Variants in ABI3BP observed in about 807,000 individuals in gnomAD.
ABI3BP encodes ABI family member 3 binding protein.
Under a neutral mutation model 268.6 loss-of-function variants are expected in ABI3BP, and 216 were observed. That is an observed-to-expected ratio of 0.80 (90% CI 0.72 to 0.90). The LOEUF is 0.90. Among genes scored for constraint, ABI3BP ranks in the 40% least tolerant of loss-of-function variants. The pLI is 0.00. For missense variants in ABI3BP, 2,090 were observed against 2,182.4 expected (o/e 0.96, Z 0.84); for synonymous variants, 730 against 730.0 (o/e 1.00, Z 0.00).
At chr3:100,869,335 T>G (rs2099087332) in intron 9 of ABI3BP, among the ~76,000 whole-genome samples, 2 of 19,084 alleles carry the variant, frequency 1.0e-4, no homozygotes, top group Non-Finnish European at 2.9e-4. Context: ...TTTTGGTTTT[T>G]TTTTTTTTTT....
chr3:100,791,082 C>A (rs1466787588), intron 55 of ABI3BP, among the ~76,000 whole-genome samples: 1 of 151,710 alleles, frequency 6.6e-6, no homozygotes, highest in Non-Finnish European at 1.5e-5. Context: ...TTGAGGGTTT[C>A]AATTTTAAAC....
intron 51 of ABI3BP, among the ~76,000 whole-genome samples, chr3:100,802,165 T>A (rs917326241): frequency 3.3e-5 from 5 of 152,158 alleles, no homozygotes; most frequent in African/African-American, 1.2e-4. Context: ...ACTGAAAACA[T>A]AAAACTAACT....
intron 1 of ABI3BP, among the ~76,000 whole-genome samples, chr3:100,988,354 T>A (rs1054138432): frequency 7.2e-5 from 11 of 151,930 alleles, no homozygotes; most frequent in Admixed American, 5.9e-4. Context: ...TCATGAGGAG[T>A]CAGGCCAGAT....
chr3:100,751,204 TAAAA>T (rs1286585124), intron 67 of ABI3BP, among the ~76,000 whole-genome samples: 1 of 152,160 alleles, frequency 6.6e-6, no homozygotes, highest in East Asian at 1.9e-4. Context: ...TAGCAGTAGT[TAAAA>T]AATTTTTTTT....
intron 6 of ABI3BP, among the ~76,000 whole-genome samples, chr3:100,882,906 G>A (rs76716406): frequency 0.023 from 3,470 of 152,186 alleles, 66 homozygotes; most frequent in Non-Finnish European, 0.041. Flanking sequence ...TGCTTCCTAG[G>A]CAACCATTCA....
At chr3:100,868,897 GT>G (rs771865075) in intron 9 of ABI3BP, among the ~76,000 whole-genome samples, 24 of 151,214 alleles carry the variant, frequency 1.6e-4, no homozygotes, top group Admixed American at 6.6e-4. Context: ...CATTCTGATT[GT>G]CAACACAGAA....
At chr3:100,782,291 A>G (rs962083976) in intron 57 of ABI3BP, among the ~76,000 whole-genome samples, 3 of 152,172 alleles carry the variant, frequency 2.0e-5, no homozygotes, top group Non-Finnish European at 4.4e-5. Context: ...AGAGAATCCA[A>G]ATTTTGCAGA....
intron 57 of ABI3BP, among the ~76,000 whole-genome samples, chr3:100,784,731 G>A (rs1044751254): frequency 6.6e-6 from 1 of 152,128 alleles, no homozygotes; most frequent in Admixed American, 6.6e-5. Context: ...GTCTTTTGCA[G>A]CAATTTGGAT....
intron 54 of ABI3BP, among the ~76,000 whole-genome samples, 193 bp from the exon 55 acceptor site, chr3:100,792,961 A>G (rs1452037600): frequency 6.6e-6 from 1 of 151,964 alleles, no homozygotes; most frequent in Non-Finnish European, 1.5e-5. Flanking sequence ...CTGCTGTTTT[A>G]CACTATTATT....
intron 11 of ABI3BP, 96 bp from the exon 12 acceptor site, chr3:100,864,172 C>G (rs2099026914): frequency 2.5e-6 from 2 of 797,044 alleles, no homozygotes; most frequent in Admixed American, 2.0e-5. Context: ...GTAACAGACT[C>G]TTGCACACAG....
Position 100,875,543 on chromosome 3 carries a change from G to C in ABI3BP, c.782C>G (p.Ser261Cys). ...QNVTHKDSAK[S>C]PEKAPLGGVI... Reference sequence around the variant, plus strand: ...TCCTCCCAGTGGAGCTTTTTCTGGGGATTTAGCTGAATCCTTGTGAGTAAC... The same window carrying C: ...TCCTCCCAGTGGAGCTTTTTCTGGGCATTTAGCTGAATCCTTGTGAGTAAC... Residue 261 changes from serine to cysteine, a missense_variant, in exon 8 of 68, where the codon TCC becomes TGC. Coordinates refer to ENST00000471714, the MANE Select transcript of ABI3BP (RefSeq NM_001375547.2). 2 of 1,613,472 alleles carry C rather than the reference G, an allele frequency of 1.2e-6. No homozygotes were observed. The highest frequency in any genetic ancestry group is 1.7e-6 in the Non-Finnish European group (2 of 1,179,410).
chr3:100,899,265 T>C (rs1357601833), intron 3 of ABI3BP, among the ~76,000 whole-genome samples: 2 of 152,226 alleles, frequency 1.3e-5, no homozygotes, highest in Non-Finnish European at 1.5e-5. Context: ...ATACACACAC[T>C]TAATTTCTTT....
chr3:100,864,192 T>C (rs1308388917), intron 11 of ABI3BP, 116 bp from the exon 12 acceptor site: 9 of 710,546 alleles, frequency 1.3e-5, no homozygotes, highest in East Asian at 1.1e-4. Flanking sequence ...GAGCAGCCAA[T>C]ACCTTTAATG....
At chr3:100,853,753 G>T (rs1298543710) in intron 14 of ABI3BP, among the ~76,000 whole-genome samples, 9 of 152,128 alleles carry the variant, frequency 5.9e-5, no homozygotes, top group Admixed American at 2.0e-4. Flanking sequence ...TAAGGCATTC[G>T]CTGGGGAAAG....
intron 21 of ABI3BP, 41 bp downstream of exon 21, chr3:100,841,957 A>T: frequency 6.9e-7 from 1 of 1,445,888 alleles, no homozygotes; most frequent in Non-Finnish European, 9.4e-7. Flanking sequence ...GGAGAGTGTT[A>T]AAGATACTTT....
intron 57 of ABI3BP, 97 bp from the exon 58 acceptor site, chr3:100,780,306 G>A (rs1042201611): frequency 1.8e-6 from 2 of 1,139,712 alleles, no homozygotes; most frequent in Non-Finnish European, 2.5e-6. Context: ...TCTTTGCAGA[G>A]CAGGAGCATT....
intron 1 of ABI3BP, among the ~76,000 whole-genome samples, chr3:100,972,045 A>G (rs1033283880): frequency 3.9e-5 from 6 of 152,120 alleles, no homozygotes; most frequent in Admixed American, 1.3e-4. Flanking sequence ...TCCCTTAAGC[A>G]CTGGATTCTC....
intron 61 of ABI3BP, among the ~76,000 whole-genome samples, chr3:100,771,512 A>T (rs1369165166): frequency 6.6e-6 from 1 of 151,924 alleles, no homozygotes; most frequent in Non-Finnish European, 1.5e-5. Context: ...TAGAATAATC[A>T]GATAAGAATT....
intron 51 of ABI3BP, among the ~76,000 whole-genome samples, chr3:100,800,037 T>C (rs559157673): frequency 1.3e-5 from 2 of 152,292 alleles, no homozygotes; most frequent in East Asian, 1.9e-4. Flanking sequence ...AGCAATAGCA[T>C]TGTCACCCTT....
Sources: gnomAD v4.1 joint callset for allele counts (sites outside exome capture counted in the v4.1 genomes callset) on GRCh38, gnomAD v4.1.1 for gene constraint, MANE v1.5 for transcripts, NCBI Gene and HGNC (gene_info 2026-07-23, HGNC 2026-07-21) for gene names.